The following NECTIN3 variants were observed in gnomAD, a reference collection of about 807,000 sequenced individuals.
The protein encoded by NECTIN3 is nectin cell adhesion molecule 3.
NECTIN3 carries 8 observed loss-of-function variants against 49.4 expected under a neutral mutation model. The observed-to-expected ratio is 0.16, with a 90% CI of 0.10 to 0.29. The LOEUF (loss-of-function observed/expected upper bound fraction) is 0.29, where lower values mean the gene tolerates loss of function less well. Ranked by LOEUF, NECTIN3 falls within the 10% of genes least tolerant of loss-of-function variation. The pLI, the probability that NECTIN3 is intolerant of heterozygous loss-of-function variation, is 1.00. For missense variants in NECTIN3, 581 were observed against 654.6 expected, an observed-to-expected ratio of 0.89 and a Z score of 1.23; for synonymous variants, 277 against 241.1, an observed-to-expected ratio of 1.15 and a Z score of -1.38.
intron 7 of NECTIN3, among the ~76,000 whole-genome samples, chr3:111,156,628 A>T (rs1157255847): frequency 6.6e-6 from 1 of 152,182 alleles, no homozygotes; most frequent in East Asian, 1.9e-4. Flanking sequence ...GAAGCCACCA[A>T]ATTATTCCAT....
chr3:111,128,340 T>A (rs1030289992), intron 5 of NECTIN3, among the ~76,000 whole-genome samples: 6 of 150,420 alleles, frequency 4.0e-5, no homozygotes, highest in Non-Finnish European at 7.4e-5. Context: ...AAAAAAAAAA[T>A]TAAAAAATAA....
At chr3:111,072,608 GA>G in intron 1 of NECTIN3, 1 of 1,523,734 alleles carries the variant, frequency 6.6e-7, no homozygotes, top group Non-Finnish European at 8.8e-7. Flanking sequence ...CCGATGGAAT[GA>G]AGCCTCCGGG....
intron 5 of NECTIN3, among the ~76,000 whole-genome samples, chr3:111,128,418 CTT>C (rs1365466873): frequency 1.3e-5 from 2 of 151,874 alleles, no homozygotes; most frequent in Non-Finnish European, 2.9e-5. Flanking sequence ...AATTTATACT[CTT>C]TTATCATTCT....
In NECTIN3 at chr3:111,137,267, T is replaced by C. The variant is rs1237263584; in HGVS notation, c.*3052T>C. On this transcript the variant is annotated 3_prime_UTR_variant, in exon 6 of 6. Transcript: ENST00000485303. ...GAATAAATGGTACCCATTTTGAATT[T>C]TTAATTCTAATAGGAGAGTAGATTG... 10 of 953,074 alleles carry C rather than the reference T, an allele frequency of 1.0e-5. No individual in the cohort carries two copies. The highest frequency in any genetic ancestry group is 1.2e-5 in the Non-Finnish European group (10 of 800,788). 59.0% of individuals were successfully genotyped at this position (953,074 alleles called of 1,614,324 possible).
intron 1 of NECTIN3, 73 bp from the exon 2 acceptor site, chr3:111,111,957 G>T (rs2033486107): frequency 1.2e-6 from 1 of 855,186 alleles, no homozygotes; most frequent in Non-Finnish European, 1.8e-6. Flanking sequence ...TTACACAGGG[G>T]GTCAGGAAGG....
intron 7 of NECTIN3, among the ~76,000 whole-genome samples, chr3:111,152,547 T>A (rs2035021812): frequency 1.3e-5 from 2 of 151,942 alleles, no homozygotes; most frequent in South Asian, 4.1e-4. Context: ...TTTGTCTTTT[T>A]ATTTATTGGA....
At position 111,137,234 on chromosome 3, in the gene NECTIN3, T is replaced by A; in HGVS notation, c.*3019T>A. The A allele has an allele frequency of 1.1e-6, 1 of 933,298 alleles. No individual in the cohort carries two copies. The highest frequency in any genetic ancestry group is 1.3e-6 in the Non-Finnish European group (1 of 782,730). 57.8% of individuals were successfully genotyped at this position (933,298 alleles called of 1,614,324 possible). On this transcript the variant is annotated 3_prime_UTR_variant, in exon 6 of 6. Coordinates refer to ENST00000485303, the MANE Select transcript of NECTIN3 (RefSeq NM_015480.3). ...GTATGAAAGTAATCAATGTAAAATATAAGAAAGGAATAAATGGTACCCATT... is the reference window on the plus strand; with the variant it reads ...GTATGAAAGTAATCAATGTAAAATAAAAGAAAGGAATAAATGGTACCCATT...
chr3:111,185,431 A>G (rs1232324249), intron 7 of NECTIN3, among the ~76,000 whole-genome samples: 1 of 152,152 alleles, frequency 6.6e-6, no homozygotes, highest in Admixed American at 6.6e-5. Flanking sequence ...TGTTTTATAT[A>G]TTTTGTCCAA....
chr3:111,174,458 A>G (rs1448890869), intron 7 of NECTIN3, among the ~76,000 whole-genome samples: 1 of 152,128 alleles, frequency 6.6e-6, no homozygotes, highest in Admixed American at 6.5e-5. Context: ...GAGGTGCTTT[A>G]TAAATATATG....
chr3:111,180,381 G>A (rs1388288201), intron 7 of NECTIN3, among the ~76,000 whole-genome samples: 1 of 152,154 alleles, frequency 6.6e-6, no homozygotes, highest in Non-Finnish European at 1.5e-5. Flanking sequence ...ACTAGCGTAC[G>A]CATATGTGTA....
intron 1 of NECTIN3, among the ~76,000 whole-genome samples, chr3:111,093,426 G>GT (rs35209735): frequency 0.72 from 101,564 of 140,212 alleles, 41,720 homozygotes; most frequent in Non-Finnish European, 0.92. Context: ...ATTTTGTTGG[G>GT]TTTTTTTTTT....
intron 7 of NECTIN3, among the ~76,000 whole-genome samples, chr3:111,149,459 A>G (rs911988913): frequency 5.7e-4 from 73 of 128,396 alleles, no homozygotes; most frequent in African/African-American, 1.3e-3. Flanking sequence ...TTCTGGTAGG[A>G]TGTGTGTGTG....
At chr3:111,125,687 A>T (rs1230275668) in intron 4 of NECTIN3, among the ~76,000 whole-genome samples, 1 of 152,326 alleles carries the variant, frequency 6.6e-6, no homozygotes, top group African/African-American at 2.4e-5. Flanking sequence ...GATAGAGCAC[A>T]GTGTCTATTT....
At chr3:111,075,569 C>T (rs1170441873) in intron 1 of NECTIN3, among the ~76,000 whole-genome samples, 2 of 152,166 alleles carry the variant, frequency 1.3e-5, no homozygotes, top group South Asian at 2.1e-4. Context: ...CATAAACTAA[C>T]CAGGCTGGTA....
intron 1 of NECTIN3, chr3:111,193,575 G>A: frequency 3.3e-6 from 2 of 603,384 alleles, no homozygotes; most frequent in Non-Finnish European, 5.6e-6. Context: ...CACCAGCTGT[G>A]TTTGTGAACT....
intron 7 of NECTIN3, among the ~76,000 whole-genome samples, chr3:111,160,406 G>T (rs2035185415): frequency 6.6e-6 from 1 of 151,650 alleles, no homozygotes; most frequent in South Asian, 2.1e-4. Context: ...CATAAATTTT[G>T]ATGTTTCTAG....
chr3:111,076,464 T>C (rs2031207411), intron 1 of NECTIN3, among the ~76,000 whole-genome samples: 1 of 152,088 alleles, frequency 6.6e-6, no homozygotes, highest in African/African-American at 2.4e-5. Context: ...AACAGTTAAG[T>C]CAATAATGAA....
downstream of NECTIN3, among the ~76,000 whole-genome samples, chr3:111,137,976 A>G (rs2034641392): frequency 6.6e-6 from 1 of 151,436 alleles, no homozygotes; most frequent in East Asian, 1.9e-4. Context: ...AACATTCTCC[A>G]TAGTTATAAA....
At chr3:111,110,960 T>A (rs1466111641) in intron 1 of NECTIN3, among the ~76,000 whole-genome samples, 2 of 152,148 alleles carry the variant, frequency 1.3e-5, no homozygotes, top group African/African-American at 4.8e-5. Context: ...TGCATTTTTC[T>A]TGATTATGTG....
Sources: gnomAD v4.1 joint callset for allele counts (sites outside exome capture counted in the v4.1 genomes callset) on GRCh38, gnomAD v4.1.1 for gene constraint, MANE v1.5 for transcripts, NCBI Gene and HGNC (gene_info 2026-07-23, HGNC 2026-07-21) for gene names.